The following UVSSA variants were observed in gnomAD, a reference collection of about 807,000 sequenced individuals.
UVSSA encodes the protein UV stimulated scaffold protein A.
UVSSA carries 72 observed loss-of-function variants against 73.9 expected under a neutral mutation model. That is an observed-to-expected ratio of 0.97 (90% confidence interval 0.81 to 1.19). The LOEUF (loss-of-function observed/expected upper bound fraction) is 1.19, where lower values mean the gene tolerates loss of function less well. UVSSA is among the 50% of genes most tolerant of loss of function. The pLI, the probability that UVSSA is intolerant of heterozygous loss-of-function variation, is 0.00. For missense variants in UVSSA, 1,150 were observed against 965.0 expected (o/e 1.19, Z -2.54); for synonymous variants, 454 against 391.3 (o/e 1.16, Z -1.89).
intron 6 of UVSSA, 102 bp downstream of exon 6, chr4:1,354,949 G>T (rs1715463237): frequency 6.5e-7 from 1 of 1,538,060 alleles, no homozygotes; most frequent in Non-Finnish European, 8.8e-7. Flanking sequence ...GTGACTGAAT[G>T]GCCCTTAACC....
intron 2 of UVSSA, among the ~76,000 whole-genome samples, 179 bp from the exon 3 acceptor site, chr4:1,349,345 A>G (rs1577274367): frequency 6.6e-6 from 1 of 152,078 alleles, no homozygotes; most frequent in South Asian, 2.1e-4. Flanking sequence ...GGGGCTGGGG[A>G]GGTAGATGTG....
chr4:1,367,183 C>A (rs1717444932), intron 8 of UVSSA, among the ~76,000 whole-genome samples: 1 of 152,202 alleles, frequency 6.6e-6, no homozygotes, highest in Non-Finnish European at 1.5e-5. Flanking sequence ...ACAGCCTGTG[C>A]CGTGGAGGGC....
Position 1,380,920 on chromosome 4 carries a change from G to T in UVSSA, c.1793G>T (p.Gly598Val). The T allele has an allele frequency of 1.2e-6, 2 of 1,613,098 alleles. No individual in the cohort carries two copies. The highest frequency in any genetic ancestry group is 2.2e-5 in the South Asian group (2 of 91,074). Residue 598 changes from glycine to valine, a missense_variant, in exon 12 of 14, where the codon GGA becomes GTA. Transcript: ENST00000389851. ...AAGATTGTTCCACGGGACGACGAAGGACGGCCGCTCGACCCGGAAGACAGG... is the reference window on the plus strand; with the variant it reads ...AAGATTGTTCCACGGGACGACGAAGTACGGCCGCTCGACCCGGAAGACAGG... ...HGKIVPRDDEGRPLDPEDRAR... is the reference protein window; with the variant it reads ...HGKIVPRDDEVRPLDPEDRAR...
upstream of UVSSA, among the ~76,000 whole-genome samples, chr4:1,343,114 G>A (rs1364684946): frequency 1.3e-5 from 2 of 152,174 alleles, no homozygotes; most frequent in African/African-American, 2.4e-5. Flanking sequence ...TGCCGTAACA[G>A]AAGACCACGG....
In UVSSA at chr4:1,353,322, A is replaced by G; in HGVS notation, c.843A>G (p.Ser281=). ...QPSQTATGDP[S]DEDEDSDLEE... The stretch of plus-strand genomic sequence containing the variant: ...CCCAGACAGCCACAGGTGACCCCTC[A>G]GATGAGGACGAGGACAGCGACCTCG... Residue 281 remains serine, a synonymous_variant, in exon 5 of 14, where the codon TCA becomes TCG. Coordinates refer to ENST00000389851, the MANE Select transcript of UVSSA (RefSeq NM_020894.4). 1 of 1,611,850 alleles carries G rather than the reference A, an allele frequency of 6.2e-7. No homozygotes were observed. The highest frequency in any genetic ancestry group is 1.1e-5 in the South Asian group (1 of 91,060).
chr4:1,350,897 G>T (rs569666349), intron 3 of UVSSA, among the ~76,000 whole-genome samples: 6 of 152,098 alleles, frequency 3.9e-5, no homozygotes, highest in African/African-American at 7.2e-5. Flanking sequence ...TCTAGTTTTT[G>T]TTGTTGTTGT....
intron 3 of UVSSA, among the ~76,000 whole-genome samples, chr4:1,351,396 T>C (rs569785367): frequency 6.8e-6 from 1 of 147,900 alleles, no homozygotes; most frequent in Admixed American, 6.8e-5. Context: ...CTTTTTTTTT[T>C]TTTCTTTGAG....
At chr4:1,362,297 G>C (rs1261867416) in intron 7 of UVSSA, among the ~76,000 whole-genome samples, 1 of 152,160 alleles carries the variant, frequency 6.6e-6, no homozygotes, top group Non-Finnish European at 1.5e-5. Context: ...TCTCCATGTC[G>C]AGGGGTCTAT....
At chr4:1,358,246 T>TGACAGTGCTTGGAGGGCCC (rs1716081702) in intron 7 of UVSSA, among the ~76,000 whole-genome samples, 1 of 152,238 alleles carries the variant, frequency 6.6e-6, no homozygotes, top group East Asian at 1.9e-4. Context: ...CGGCCAGGAC[T>TGACAGTGCTTGGAGGGCCC]GACAGTGCTT....
chr4:1,361,033 G>A (rs1240697290), intron 7 of UVSSA, among the ~76,000 whole-genome samples: 2 of 152,226 alleles, frequency 1.3e-5, no homozygotes, highest in African/African-American at 2.4e-5. Context: ...CATCCATCTG[G>A]AGAGCAACAC....
chr4:1,353,474 C>T, intron 5 of UVSSA, 61 bp downstream of exon 5: 2 of 1,432,954 alleles, frequency 1.4e-6, no homozygotes. Flanking sequence ...GTAGGCTCCT[C>T]CCTCACTGGC....
chr4:1,358,533 A>G (rs928416842), intron 7 of UVSSA: 1 of 152,346 alleles, frequency 6.6e-6, no homozygotes, highest in Middle Eastern at 3.4e-3. Flanking sequence ...CTGCCTGGAG[A>G]TGAAGTGATT....
chr4:1,350,216 T>C (rs1221048425), intron 3 of UVSSA, among the ~76,000 whole-genome samples: 2 of 151,790 alleles, frequency 1.3e-5, no homozygotes, highest in Admixed American at 1.3e-4. Context: ...CTGGGACCTG[T>C]CCCAACCTTG....
At chr4:1,384,911 A>C (rs1719915632) in intron 13 of UVSSA, 1 of 152,346 alleles carries the variant, frequency 6.6e-6, no homozygotes, top group Admixed American at 6.5e-5. Flanking sequence ...TGGGTGGGGC[A>C]GGGGCGCTGG....
downstream of UVSSA, chr4:1,392,546 A>T (rs1179777071): frequency 6.6e-6 from 1 of 152,242 alleles, no homozygotes; most frequent in Admixed American, 6.5e-5. Flanking sequence ...ATTGTGCTGG[A>T]TATGGCTGAC....
chr4:1,345,188 A>G (rs183883468), upstream of UVSSA, among the ~76,000 whole-genome samples: 498 of 152,268 alleles, frequency 3.3e-3, 3 homozygotes, highest in African/African-American at 0.012. Flanking sequence ...GTGGCCAGGA[A>G]TTGGCAGTGG....
intron 11 of UVSSA, 81 bp from the exon 12 acceptor site, chr4:1,380,799 C>A: frequency 6.3e-7 from 1 of 1,591,184 alleles, no homozygotes; most frequent in Non-Finnish European, 8.6e-7. Context: ...GCTGTTTGTG[C>A]CCAAGTCGTG....
At chr4:1,376,425 A>G (rs1311243968) in intron 10 of UVSSA, among the ~76,000 whole-genome samples, 2 of 152,066 alleles carry the variant, frequency 1.3e-5, no homozygotes, top group African/African-American at 4.8e-5. Context: ...GGTGTTATGA[A>G]TCTTGTGGGA....
intron 10 of UVSSA, among the ~76,000 whole-genome samples, chr4:1,378,365 C>A (rs1394247097): frequency 6.6e-6 from 1 of 152,176 alleles, no homozygotes; most frequent in East Asian, 1.9e-4. Context: ...CCAGCCTGGC[C>A]AACATGACAA....
Sources: allele counts gnomAD v4.1 joint callset (sites outside exome capture counted in the v4.1 genomes callset), GRCh38; gene constraint gnomAD v4.1.1; transcripts MANE v1.5; gene names NCBI Gene and HGNC (gene_info 2026-07-23, HGNC 2026-07-21).